Variants in PPM1L observed in about 807,000 individuals in gnomAD.
The protein encoded by PPM1L is protein phosphatase 1L.
In PPM1L, 13 loss-of-function variants were observed where a neutral mutation model predicts 31.4. The ratio of observed to expected loss-of-function variants is 0.41; its 90% confidence interval spans 0.27 to 0.66. PPM1L has a LOEUF of 0.66. PPM1L is among the 30% of genes least tolerant of loss of function. The pLI is 0.29. For missense variants in PPM1L, 326 were observed against 453.7 expected, an observed-to-expected ratio of 0.72 and a Z score of 2.56; for synonymous variants, 184 against 175.4, an observed-to-expected ratio of 1.05 and a Z score of -0.39.
chr3:160,812,535 A>G (rs907126595), intron 1 of PPM1L, among the ~76,000 whole-genome samples: 2 of 152,170 alleles, frequency 1.3e-5, no homozygotes, highest in Non-Finnish European at 2.9e-5. Flanking sequence ...CTGTTTTGAA[A>G]TGACTGATCC....
chr3:160,784,065 C>T (rs922046527), intron 1 of PPM1L, among the ~76,000 whole-genome samples: 5 of 152,076 alleles, frequency 3.3e-5, no homozygotes, highest in African/African-American at 9.7e-5. Context: ...ATGGCTTTAA[C>T]ATCTTTGAAA....
chr3:160,871,474 A>G (rs931059559), intron 1 of PPM1L, among the ~76,000 whole-genome samples: 1 of 152,254 alleles, frequency 6.6e-6, no homozygotes, highest in Non-Finnish European at 1.5e-5. Flanking sequence ...AGACAGAAGC[A>G]TGAAGAGATT....
At chr3:161,003,672 T>C (rs1717588118) in intron 2 of PPM1L, among the ~76,000 whole-genome samples, 1 of 152,190 alleles carries the variant, frequency 6.6e-6, no homozygotes, top group Non-Finnish European at 1.5e-5. Flanking sequence ...AGGCTTGTGA[T>C]TTTTGTACAT....
intron 2 of PPM1L, among the ~76,000 whole-genome samples, chr3:160,999,999 A>T (rs531564828): frequency 4.3e-4 from 66 of 152,304 alleles, no homozygotes; most frequent in African/African-American, 1.5e-3. Context: ...AGACTCTGAG[A>T]TACTGCAGAG....
In PPM1L at chr3:161,076,326, TG is replaced by T. The variant is rs1220315343; in HGVS notation, c.*7172del. 1 of 152,206 alleles carries T rather than the reference TG, an allele frequency of 6.6e-6. No homozygotes were observed. The highest frequency in any genetic ancestry group is 2.4e-5 in the African/African-American group (1 of 41,446). The allele number at this position is 152,206 out of a possible 1,614,324, so 9.4% of individuals were successfully genotyped here. On this transcript the variant is annotated 3_prime_UTR_variant, in exon 4 of 4. Transcript: ENST00000498165. ...GCTCTGTGGAGAAAAGCTAGAACCA[TG>T]GGACATTAAGCAAGAATACTCCTCT...
chr3:160,907,340 C>T (rs532068517), intron 1 of PPM1L, among the ~76,000 whole-genome samples: 2 of 152,298 alleles, frequency 1.3e-5, no homozygotes, highest in Non-Finnish European at 2.9e-5. Context: ...TTCTGGTCTA[C>T]GTATTTTCTG....
intron 2 of PPM1L, among the ~76,000 whole-genome samples, chr3:161,004,796 T>G (rs978044952): frequency 2.6e-5 from 4 of 151,886 alleles, no homozygotes; most frequent in Non-Finnish European, 2.9e-5. Flanking sequence ...AACCAGCTCC[T>G]GGATTCATTA....
intron 1 of PPM1L, among the ~76,000 whole-genome samples, chr3:160,960,928 C>T (rs895071574): frequency 2.0e-5 from 3 of 152,162 alleles, no homozygotes; most frequent in Admixed American, 1.3e-4. Flanking sequence ...ATATGCATAT[C>T]TTCCTTCCTA....
At chr3:160,862,705 A>ACACACGC (rs1560130395) in intron 1 of PPM1L, among the ~76,000 whole-genome samples, 2 of 84,026 alleles carry the variant, frequency 2.4e-5, no homozygotes, top group African/African-American at 4.4e-5. Context: ...CACACACACA[A>ACACACGC]AATTCTGAAA....
At chr3:160,903,193 G>GTGTGTGT (rs1553819620) in intron 1 of PPM1L, among the ~76,000 whole-genome samples, 56 of 124,192 alleles carry the variant, frequency 4.5e-4, no homozygotes, top group African/African-American at 1.1e-3. Context: ...GTGTGTGTGT[G>GTGTGTGT]GTATGTGTGT....
rs1159075146 is a variant in PPM1L at position 160,835,028 on chromosome 3, TTAC to T, written c.399+78332_399+78334del. Among the ~76,000 whole-genome samples, 20 of 105,202 alleles carry T rather than the reference TTAC, an allele frequency of 1.9e-4. No homozygotes were observed. In the East Asian group the frequency reaches 5.3e-3, roughly 28 times the overall value. 69.0% of individuals were successfully genotyped at this position (105,202 alleles called of 152,430 possible). On this transcript the variant is annotated intron_variant, in intron 1 of 3. Transcript: ENST00000498165. ...CAACCTATTACTACTACTACTACTA[TTAC>T]TACTACTACTTCTTCTTCTTCTTCT...
chr3:160,782,519 TG>T (rs762340060), intron 1 of PPM1L, among the ~76,000 whole-genome samples: 1 of 152,228 alleles, frequency 6.6e-6, no homozygotes, highest in East Asian at 1.9e-4. Context: ...CTGGGCTATG[TG>T]GAAAGGTTTA....
At chr3:161,017,783 A>T (rs1164737734) in intron 2 of PPM1L, among the ~76,000 whole-genome samples, 1 of 152,110 alleles carries the variant, frequency 6.6e-6, no homozygotes, top group Non-Finnish European at 1.5e-5. Context: ...TTCCACTACA[A>T]ATACAAGGAA....
intron 1 of PPM1L, among the ~76,000 whole-genome samples, chr3:160,880,219 T>TA (rs1560136437): frequency 6.6e-6 from 1 of 152,148 alleles, no homozygotes; most frequent in Non-Finnish European, 1.5e-5. Context: ...ACCATTACCT[T>TA]ACAGCATTCA....
chr3:160,831,665 T>C (rs934100613), intron 1 of PPM1L, among the ~76,000 whole-genome samples: 1 of 152,170 alleles, frequency 6.6e-6, no homozygotes, highest in African/African-American at 2.4e-5. Flanking sequence ...TGTTAGGCCG[T>C]CTTCTAGAGT....
At chr3:160,837,113 T>TAG (rs1191176745) in intron 1 of PPM1L, among the ~76,000 whole-genome samples, 2 of 152,184 alleles carry the variant, frequency 1.3e-5, no homozygotes, top group Non-Finnish European at 2.9e-5. Flanking sequence ...TTTACTTAAG[T>TAG]GTATTTTCAA....
At chr3:160,945,610 C>A (rs770606603) in intron 1 of PPM1L, among the ~76,000 whole-genome samples, 4 of 152,090 alleles carry the variant, frequency 2.6e-5, no homozygotes, top group Non-Finnish European at 5.9e-5. Flanking sequence ...GCCTTTATTT[C>A]TTTGCATTGG....
chr3:160,775,780 C>T (rs62272816), intron 1 of PPM1L, among the ~76,000 whole-genome samples: 7,649 of 152,276 alleles, frequency 0.05, 243 homozygotes, highest in Middle Eastern at 0.12. Context: ...TGCAAGAACA[C>T]GTCCTCAAAA....
chr3:160,876,708 C>T (rs10513557), intron 1 of PPM1L, among the ~76,000 whole-genome samples: 11,354 of 152,200 alleles, frequency 0.075, 529 homozygotes, highest in African/African-American at 0.12. Context: ...TACTAGAAGT[C>T]CTTTTAATAC....
Sources: gnomAD v4.1 joint callset for allele counts (sites outside exome capture counted in the v4.1 genomes callset) on GRCh38, gnomAD v4.1.1 for gene constraint, MANE v1.5 for transcripts, NCBI Gene and HGNC (gene_info 2026-07-23, HGNC 2026-07-21) for gene names.